Variants in SLC2A13 observed in about 807,000 individuals in gnomAD.
The protein encoded by SLC2A13 is proton myo-inositol cotransporter.
Under a neutral mutation model 64.4 loss-of-function variants are expected in SLC2A13, and 32 were observed. The observed-to-expected ratio is 0.50, with a 90% confidence interval of 0.37 to 0.67. The LOEUF is 0.67. SLC2A13 is among the 30% of genes least tolerant of loss of function. The probability of loss-of-function intolerance (pLI) is 0.00; values close to 1 mark genes in which losing one functional copy is unlikely to be tolerated. For missense variants in SLC2A13, 743 were observed against 829.2 expected (o/e 0.90, Z 1.28); for synonymous variants, 338 against 327.1 (o/e 1.03, Z -0.36).
chr12:40,022,710 T>C (rs1947740456), intron 3 of SLC2A13, among the ~76,000 whole-genome samples: 2 of 152,194 alleles, frequency 1.3e-5, no homozygotes, highest in East Asian at 1.9e-4. Context: ...TAGTGGTGCA[T>C]GCCTGTAGTC....
intron 4 of SLC2A13, among the ~76,000 whole-genome samples, chr12:39,904,958 G>A (rs749941186): frequency 1.3e-4 from 19 of 151,958 alleles, no homozygotes; most frequent in Non-Finnish European, 1.9e-4. Flanking sequence ...TGATACAGAC[G>A]TGCAGGCAAA....
intron 1 of SLC2A13, among the ~76,000 whole-genome samples, chr12:40,103,463 A>G (rs575919050): frequency 6.6e-6 from 1 of 152,298 alleles, no homozygotes; most frequent in Non-Finnish European, 1.5e-5. Flanking sequence ...TACATTTACT[A>G]AAGTATAATA....
chr12:39,888,109 G>T (rs1944514269), intron 4 of SLC2A13, among the ~76,000 whole-genome samples: 1 of 152,204 alleles, frequency 6.6e-6, no homozygotes, highest in Admixed American at 6.5e-5. Flanking sequence ...ATGTGCTTCT[G>T]GAGAAGTAAC....
chr12:40,019,313 T>A (rs1212669758), intron 3 of SLC2A13, among the ~76,000 whole-genome samples: 1 of 152,202 alleles, frequency 6.6e-6, no homozygotes, highest in Non-Finnish European at 1.5e-5. Flanking sequence ...CTTAAGGACA[T>A]TTGATTGTTA....
At chr12:40,006,384 TCTC>T (rs1375291249) in intron 3 of SLC2A13, among the ~76,000 whole-genome samples, 6 of 152,080 alleles carry the variant, frequency 3.9e-5, no homozygotes, top group African/African-American at 1.4e-4. Context: ...AGCCTCCACT[TCTC>T]CTCCAGAAAA....
intron 4 of SLC2A13, among the ~76,000 whole-genome samples, chr12:39,913,647 G>A (rs1945469945): frequency 6.6e-6 from 1 of 151,676 alleles, no homozygotes; most frequent in Admixed American, 6.6e-5. Context: ...AGCAATTTCA[G>A]GAGAAAAGAT....
intron 7 of SLC2A13, among the ~76,000 whole-genome samples, chr12:39,768,007 G>A (rs1419145898): frequency 1.3e-5 from 2 of 152,070 alleles, no homozygotes; most frequent in Non-Finnish European, 2.9e-5. Context: ...AGCAGTGTGA[G>A]ACCAGACTAA....
rs115355693 is a variant in SLC2A13, at chr12:40,103,667, T to C, written c.556+1586A>G. ...TTCAATTTCAAAATTACAGAAAAGA[T>C]TGAGGTTGACAGAACAATTCTTGCT... On this transcript the variant is annotated intron_variant, in intron 1 of 9. Transcript: ENST00000280871. Among the ~76,000 whole-genome samples the C allele has an allele frequency of 3.6e-3, 542 of 152,276 alleles. 2 individuals are homozygous for C. The highest frequency in any genetic ancestry group is 0.013 in the African/African-American group (521 of 41,550).
intron 3 of SLC2A13, among the ~76,000 whole-genome samples, chr12:39,989,220 T>C (rs938879342): frequency 2.6e-5 from 4 of 152,178 alleles, no homozygotes; most frequent in African/African-American, 9.7e-5. Flanking sequence ...CAGACTCAGA[T>C]AGCCACATGG....
chr12:39,954,493 G>A (rs1390190253), intron 3 of SLC2A13, among the ~76,000 whole-genome samples: 1 of 152,176 alleles, frequency 6.6e-6, no homozygotes, highest in East Asian at 1.9e-4. Context: ...AATTCCAGGA[G>A]CTCAAACAGG....
rs545657715 is a variant in SLC2A13, at chr12:39,945,383, G to T, written c.1034+5874C>A. ...TTTCCAGGTGTTCTTTGTGCCTCTT[G>T]TATTTGGATGTCTAGGTCTCTAGCA... On this transcript the variant is annotated intron_variant, in intron 4 of 9. Coordinates refer to ENST00000280871, the MANE Select transcript of SLC2A13 (RefSeq NM_052885.4). Among the ~76,000 whole-genome samples, 3 of 152,230 alleles carry T rather than the reference G, an allele frequency of 2.0e-5. No individual in the cohort carries two copies. The South Asian group carries it at 6.2e-4, about 32-fold the overall frequency.
intron 3 of SLC2A13, among the ~76,000 whole-genome samples, chr12:40,020,156 A>G (rs1947688414): frequency 6.6e-6 from 1 of 152,210 alleles, no homozygotes; most frequent in African/African-American, 2.4e-5. Context: ...ATTTTTTAAG[A>G]AACTCTGAGA....
chr12:39,896,536 G>A (rs967389603), intron 4 of SLC2A13, among the ~76,000 whole-genome samples: 1 of 146,084 alleles, frequency 6.8e-6, no homozygotes, highest in Admixed American at 7.2e-5. Flanking sequence ...ATACATGTAT[G>A]TATGTATGTG....
chr12:40,010,878 A>G (rs1485459769), intron 3 of SLC2A13, among the ~76,000 whole-genome samples: 1 of 152,176 alleles, frequency 6.6e-6, no homozygotes, highest in African/African-American at 2.4e-5. Context: ...CTGGAAAGTC[A>G]TCTGCCAGCT....
intron 4 of SLC2A13, among the ~76,000 whole-genome samples, chr12:39,926,421 T>C (rs1475132238): frequency 6.6e-6 from 1 of 152,132 alleles, no homozygotes; most frequent in African/African-American, 2.4e-5. Context: ...CTCAGACATA[T>C]TTATATGGCT....
intron 3 of SLC2A13, among the ~76,000 whole-genome samples, chr12:39,960,615 A>G (rs1225108248): frequency 6.6e-6 from 1 of 152,066 alleles, no homozygotes; most frequent in Non-Finnish European, 1.5e-5. Flanking sequence ...CCTGACCTCA[A>G]GTAATCCACC....
At chr12:39,985,373 G>A (rs866755704) in intron 3 of SLC2A13, among the ~76,000 whole-genome samples, 11 of 152,022 alleles carry the variant, frequency 7.2e-5, no homozygotes, top group Non-Finnish European at 1.0e-4. Flanking sequence ...GATTACCTCT[G>A]CTTATTTAAT....
chr12:39,868,084 G>C (rs773502630), intron 5 of SLC2A13, among the ~76,000 whole-genome samples: 6 of 152,070 alleles, frequency 3.9e-5, no homozygotes, highest in Admixed American at 6.5e-5. Flanking sequence ...TCAGTCCCTT[G>C]TTAGTATTTA....
intron 1 of SLC2A13, among the ~76,000 whole-genome samples, chr12:40,073,026 T>C (rs932606614): frequency 5.9e-5 from 9 of 152,142 alleles, no homozygotes; most frequent in Non-Finnish European, 1.0e-4. Flanking sequence ...CTGCTTTCAT[T>C]ACTTTTTCTT....
Sources: allele counts gnomAD v4.1 joint callset (sites outside exome capture counted in the v4.1 genomes callset), GRCh38; gene constraint gnomAD v4.1.1; transcripts MANE v1.5; gene names NCBI Gene and HGNC (gene_info 2026-07-23, HGNC 2026-07-21).